Variants in ANKRD46 observed in about 807,000 individuals in gnomAD.
ANKRD46 encodes ankyrin repeat domain-containing protein 46.
In ANKRD46, 13 loss-of-function variants were observed where a neutral mutation model predicts 19.8. The observed-to-expected ratio is 0.66, with a 90% CI of 0.43 to 1.04. The LOEUF is 1.04. Among genes scored for constraint, ANKRD46 ranks in the 50% least tolerant of loss-of-function variants. ANKRD46 has a pLI of 0.00. For synonymous variants in ANKRD46, 91 were observed against 106.9 expected, an observed-to-expected ratio of 0.85 and a Z score of 0.92; for missense variants, 185 against 274.8, an observed-to-expected ratio of 0.67 and a Z score of 2.31.
At chr8:100,553,781 G>C (rs1812441605) in intron 1 of ANKRD46, among the ~76,000 whole-genome samples, 1 of 151,792 alleles carries the variant, frequency 6.6e-6, no homozygotes, top group South Asian at 2.1e-4. Context: ...AAAAAACTCA[G>C]GCAAACCAAA....
At chr8:100,535,762 G>A (rs756127922) in intron 1 of ANKRD46, among the ~76,000 whole-genome samples, 1 of 152,164 alleles carries the variant, frequency 6.6e-6, no homozygotes, top group Non-Finnish European at 1.5e-5. Flanking sequence ...ATCCATAGTA[G>A]TATTCCGTGG....
chr8:100,524,107 C>A lies in ANKRD46; in HGVS notation c.471-1336G>T, dbSNP rs6995861. On this transcript the variant is annotated intron_variant, in intron 4 of 4. Transcript: ENST00000335659. This position sits in a 1 kb window ranked among gnomAD's most constrained non-coding sequence, Gnocchi z 4.3. ...CTGATTCTGGTTTTCAGAACTTTAT[C>A]AATGAGAAATACGACTACCACAAAG... 0.29 allele frequency among the ~76,000 whole-genome samples: 44,387 copies of A among 151,826 alleles called. 6,993 individuals carry two copies. Among genetic ancestry groups the A allele is most frequent in the Middle Eastern group, 0.37 (109 of 294 alleles).
downstream of ANKRD46, among the ~76,000 whole-genome samples, chr8:100,520,037 A>C (rs1811695209): frequency 6.6e-6 from 1 of 152,226 alleles, no homozygotes; most frequent in Admixed American, 6.5e-5. Flanking sequence ...TTAGAAAGAA[A>C]ATCATGTTTA....
In ANKRD46 at chr8:100,521,008, G is replaced by C. The variant is rs1811713485; in HGVS notation, c.*1547C>G. On this transcript the variant is annotated 3_prime_UTR_variant, in exon 5 of 5. Coordinates refer to ENST00000335659, the MANE Select transcript of ANKRD46 (RefSeq NM_001270377.2). Reference sequence around the variant, plus strand: ...TGTAGTGTTCTCCATTCCAAAGCCAGCTGTTTTTTGCTGGATTTACACCAA... The same window carrying C: ...TGTAGTGTTCTCCATTCCAAAGCCACCTGTTTTTTGCTGGATTTACACCAA... The C allele has an allele frequency of 1.0e-6, 1 of 984,984 alleles. No homozygotes were observed. Among genetic ancestry groups the C allele is most frequent in the African/African-American group, 1.8e-5 (1 of 57,106 alleles). The allele number at this position is 984,984 out of a possible 1,614,324, so 61.0% of individuals were successfully genotyped here. A position where few individuals can be genotyped will look rare whatever the true frequency, so the allele number is the denominator to read the frequency against.
Position 100,522,368 on chromosome 8 carries a change from C to T in ANKRD46, c.*187G>A. On this transcript the variant is annotated 3_prime_UTR_variant, in exon 5 of 5. Coordinates refer to ENST00000335659, the MANE Select transcript of ANKRD46 (RefSeq NM_001270377.2). ...AGAGGTAGCGTTAGGATGCAATATA[C>T]TTGATCATAGTATGTAGTTAGTTCA... is the stretch of plus-strand genomic sequence containing the variant. 1.4e-6 allele frequency: 2 copies of T among 1,415,394 alleles called. No homozygotes were observed. The highest frequency in any genetic ancestry group is 1.8e-6 in the Non-Finnish European group (2 of 1,088,452). 87.7% of individuals were successfully genotyped at this position (1,415,394 alleles called of 1,614,324 possible).
Position 100,521,525 on chromosome 8 carries a change from C to A in ANKRD46, c.*1030G>T. On this transcript the variant is annotated 3_prime_UTR_variant, in exon 5 of 5. Transcript: ENST00000335659. ...CATAAAGAGTTTATGACACCCAGTA[C>A]GATACTGTCCAGCACTGTTAACTCA... 2 of 985,368 alleles carry A rather than the reference C, an allele frequency of 2.0e-6. No individual in the cohort carries two copies. Among genetic ancestry groups the A allele is most frequent in the Non-Finnish European group, 2.4e-6 (2 of 829,914 alleles). 61.0% of individuals were successfully genotyped at this position (985,368 alleles called of 1,614,324 possible).
intron 1 of ANKRD46, among the ~76,000 whole-genome samples, chr8:100,538,347 C>T (rs1812106167): frequency 1.3e-5 from 2 of 152,122 alleles, no homozygotes; most frequent in African/African-American, 4.8e-5. Flanking sequence ...CTATACTGAA[C>T]ACGTATGTAC....
In ANKRD46 at chr8:100,538,182, ATT is replaced by A. The variant is rs1331323021; in HGVS notation, c.-130-4873_-130-4872del. Among the ~76,000 whole-genome samples the A allele has an allele frequency of 3.9e-5, 6 of 152,244 alleles. No individual in the cohort carries two copies. In the East Asian group the frequency reaches 1.2e-3, roughly 29 times the overall value. On this transcript the variant is annotated intron_variant, in intron 1 of 4. Transcript: ENST00000335659. Reference sequence around the variant, plus strand: ...CATTGTCACAAGATTTTAAAGTAATATTTTTTCTTATGACTAGTTCTGCAGTG... The same window carrying A: ...CATTGTCACAAGATTTTAAAGTAATATTTTCTTATGACTAGTTCTGCAGTG...
At chr8:100,523,283 C>T (rs1811772072) in intron 4 of ANKRD46, among the ~76,000 whole-genome samples, 2 of 151,894 alleles carry the variant, frequency 1.3e-5, no homozygotes, top group Admixed American at 6.6e-5. Context: ...AGTGCAGACT[C>T]ATAATTTAAG....
intron 1 of ANKRD46, among the ~76,000 whole-genome samples, chr8:100,539,280 G>T (rs770339313): frequency 6.6e-6 from 1 of 152,150 alleles, no homozygotes; most frequent in Non-Finnish European, 1.5e-5. Context: ...ACCTTTTAGT[G>T]ATCTGTCCTA....
Position 100,527,243 on chromosome 8 carries a change from T to C in ANKRD46, c.470+602A>G, listed in dbSNP as rs917380773. On this transcript the variant is annotated intron_variant, in intron 4 of 4. Transcript: ENST00000335659. The surrounding 1 kb of genome is among the most constrained non-coding windows in gnomAD (Gnocchi z 4.0). ...TCCAAATTTCATTAGCTCCAACTCA[T>C]ATGAAAGTCACTTTCACTTTCACAT... 6.6e-6 allele frequency among the ~76,000 whole-genome samples: 1 copy of C among 152,240 alleles called. No individual in the cohort carries two copies. The highest frequency in any genetic ancestry group is 1.9e-4 in the East Asian group (1 of 5,202).
rs1180529259 is a variant in ANKRD46, at chr8:100,536,419, G to C, written c.-130-3108C>G. On this transcript the variant is annotated intron_variant, in intron 1 of 4. Coordinates refer to ENST00000335659, the MANE Select transcript of ANKRD46 (RefSeq NM_001270377.2). The surrounding 1 kb of genome is among the most constrained non-coding windows in gnomAD (Gnocchi z 4.9). ...CCCAGAATGTATATGGAGCTGGACTGCCTGGGTTTGAACCCCAGCTCAGCT... is the reference window on the plus strand; with the variant it reads ...CCCAGAATGTATATGGAGCTGGACTCCCTGGGTTTGAACCCCAGCTCAGCT... Among the ~76,000 whole-genome samples, 1 of 152,152 alleles carries C rather than the reference G, an allele frequency of 6.6e-6. No homozygotes were observed. The highest frequency in any genetic ancestry group is 6.5e-5 in the Admixed American group (1 of 15,282).
chr8:100,518,821 C>T (rs1284290636), downstream of ANKRD46, among the ~76,000 whole-genome samples: 2 of 150,614 alleles, frequency 1.3e-5, no homozygotes, highest in East Asian at 1.9e-4. Flanking sequence ...CACTGCACTC[C>T]AGCCTGGGCG....
intron 1 of ANKRD46, chr8:100,558,923 A>G (rs1207295927): frequency 1.3e-5 from 2 of 152,200 alleles, no homozygotes; most frequent in Non-Finnish European, 1.5e-5. Context: ...AGCTATTACT[A>G]GAACATAAAA....
rs1355796238 is a variant in ANKRD46, at chr8:100,533,195, T to C, written c.-28+14A>G. On this transcript the variant is annotated intron_variant, in intron 2 of 4. Transcript: ENST00000335659. ...TCACATCTTGTGAGGAAGTCCACAG[T>C]AGTAAATACTCACGTAAGCCTTAAG... is the stretch of plus-strand genomic sequence containing the variant. 1.3e-5 allele frequency: 2 copies of C among 152,258 alleles called. No individual in the cohort carries two copies. Among genetic ancestry groups the C allele is most frequent in the Non-Finnish European group, 2.9e-5 (2 of 68,040 alleles). The allele number at this position is 152,258 out of a possible 1,614,324, so 9.4% of individuals were successfully genotyped here.
Position 100,539,601 on chromosome 8 carries a change from G to T in ANKRD46, c.-130-6290C>A, listed in dbSNP as rs142407365. On this transcript the variant is annotated intron_variant, in intron 1 of 4. Coordinates refer to ENST00000335659, the MANE Select transcript of ANKRD46 (RefSeq NM_001270377.2). ...CTTTGTAGAAAACACACATTTTGTG[G>T]TATTTCCAACATTTCAGTCTAATGT... 5.3e-5 allele frequency among the ~76,000 whole-genome samples: 8 copies of T among 152,250 alleles called. No individual in the cohort carries two copies. The East Asian group carries it at 1.5e-3, about 29-fold the overall frequency.
At chr8:100,549,117 GTT>G (rs57850231) in intron 1 of ANKRD46, among the ~76,000 whole-genome samples, 115 of 143,608 alleles carry the variant, frequency 8.0e-4, no homozygotes, top group South Asian at 8.8e-4. Flanking sequence ...CATTAATGCT[GTT>G]TTTTTTTTTT....
chr8:100,551,862 A>AT, intron 1 of ANKRD46: 1 of 323,946 alleles, frequency 3.1e-6, no homozygotes, highest in Non-Finnish European at 5.9e-6. Context: ...TTTTGAAAAC[A>AT]TTTTGGGCTG....
At chr8:100,519,448 C>T (rs536274062), downstream of ANKRD46, among the ~76,000 whole-genome samples, 9 of 152,204 alleles carry the variant, frequency 5.9e-5, no homozygotes, top group South Asian at 1.7e-3. Context: ...TGATGTCACC[C>T]TTGGGGTCAA....
Sources: gnomAD v4.1 joint callset for allele counts (sites outside exome capture counted in the v4.1 genomes callset) on GRCh38, gnomAD v4.1.1 for gene constraint, Gnocchi (gnomAD v3.1) non-coding constraint, MANE v1.5 for transcripts, NCBI Gene and HGNC (gene_info 2026-07-23, HGNC 2026-07-21) for gene names.